ATG2B: variants seen among roughly 807,000 people sequenced by gnomAD.
The protein encoded by ATG2B is autophagy-related protein 2 homolog B.
Under a neutral mutation model 241.3 loss-of-function variants are expected in ATG2B, and 121 were observed. That is an observed-to-expected ratio of 0.50 (90% CI 0.43 to 0.58). ATG2B has a LOEUF of 0.58. ATG2B is among the 20% of genes least tolerant of loss of function. The pLI, the probability that ATG2B is intolerant of heterozygous loss-of-function variation, is 0.00. For synonymous variants in ATG2B, 858 were observed against 876.6 expected (o/e 0.98, Z 0.37); for missense variants, 2,306 against 2,491.6 (o/e 0.93, Z 1.59).
chr14:96,314,299 G>A (rs1338467994), intron 23 of ATG2B, among the ~76,000 whole-genome samples: 3 of 152,178 alleles, frequency 2.0e-5, no homozygotes, highest in African/African-American at 7.2e-5. Flanking sequence ...TAGTGCACTA[G>A]TTTTCATTCT....
At chr14:96,354,077 A>T (rs183742967) in intron 1 of ATG2B, among the ~76,000 whole-genome samples, 12 of 152,268 alleles carry the variant, frequency 7.9e-5, no homozygotes, top group East Asian at 7.7e-4. Context: ...GTAGTTTTTT[A>T]AAAAAAATTT....
Position 96,287,970 on chromosome 14 carries a change from G to A in ATG2B, c.6006+1686C>T, listed in dbSNP as rs571592915. Among the ~76,000 whole-genome samples the A allele has an allele frequency of 3.1e-4, 47 of 151,756 alleles. 1 individual carries two copies. The highest frequency in any genetic ancestry group is 2.4e-3 in the Admixed American group (36 of 15,236). ...ATTTTCTCTTCATCTTTGACTTACT[G>A]ACATCTAAAATGGAAAAGAAATACC... On this transcript the variant is annotated intron_variant, in intron 41 of 41. Transcript: ENST00000359933.
intron 2 of ATG2B, among the ~76,000 whole-genome samples, chr14:96,346,012 A>G (rs191102408): frequency 6.6e-6 from 1 of 152,318 alleles, no homozygotes; most frequent in East Asian, 1.9e-4. Context: ...GAAATAAGAT[A>G]CGATTAGTAG....
intron 35 of ATG2B, 151 bp from the exon 36 acceptor site, chr14:96,295,318 A>G (rs1487548859): frequency 1.1e-6 from 1 of 931,948 alleles, no homozygotes; most frequent in Non-Finnish European, 1.6e-6. Context: ...CTTTTAAATT[A>G]TTACTTTTAT....
At position 96,332,361 on chromosome 14, in the gene ATG2B, A is replaced by C; in HGVS notation, c.1412T>G (p.Val471Gly). 1 of 1,613,920 alleles carries C rather than the reference A, an allele frequency of 6.2e-7. No homozygotes were observed. The highest frequency in any genetic ancestry group is 8.5e-7 in the Non-Finnish European group (1 of 1,179,822). ...EFLDHHKEQP[V>G]RGSTFPSNLV... ...GTTGGATGGAAATGTTGACCCTCTT[A>C]CTGGCTGTTCTTTATGATGATCAAG... The change falls in exon 10 of 42, where the codon GTA (valine) becomes GGA (glycine). Residue 471 changes from valine to glycine, a missense_variant. By Grantham distance (109) the Val-to-Gly change is moderately radical (BLOSUM62 -3). Coordinates refer to ENST00000359933, the MANE Select transcript of ATG2B (RefSeq NM_018036.7).
chr14:96,306,951 T>C, intron 29 of ATG2B, 35 bp from the exon 30 acceptor site: 1 of 1,553,068 alleles, frequency 6.4e-7, no homozygotes, highest in African/African-American at 1.4e-5. Flanking sequence ...TGGCACACTT[T>C]GAAATATCAA....
At chr14:96,297,764 C>A (rs1426861660) in intron 34 of ATG2B, among the ~76,000 whole-genome samples, 1 of 151,990 alleles carries the variant, frequency 6.6e-6, no homozygotes, top group Non-Finnish European at 1.5e-5. Context: ...AAACTCTTTA[C>A]AAATCAGTAA....
chr14:96,331,606 T>G lies in ATG2B; in HGVS notation c.1500A>C (p.Glu500Asp). The change falls in exon 11 of 42, where the codon GAA becomes GAC. Residue 500 changes from glutamate (E) to aspartate (D), a missense_variant. Physicochemically the swap from Glu to Asp is conservative, Grantham distance 45. This residue lies in a region of ATG2B where 1,927 missense variants were observed against 2,011.2 expected (regional missense o/e 0.96). Transcript: ENST00000359933. ...GTCTAAAAATAAGTTCAGGCCTTGATTCATCCACTGAAACAGATCTAGATG... is the reference window on the plus strand; with the variant it reads ...GTCTAAAAATAAGTTCAGGCCTTGAGTCATCCACTGAAACAGATCTAGATG... ...SLPSRSVSVD[E>D]SRPELIFRLA... The G allele has an allele frequency of 6.2e-7, 1 of 1,613,362 alleles. No homozygotes were observed. The highest frequency in any genetic ancestry group is 8.5e-7 in the Non-Finnish European group (1 of 1,179,672).
chr14:96,328,536 CT>C lies in ATG2B; in HGVS notation c.1975-2del, dbSNP rs1182195036. 2.5e-6 allele frequency: 4 copies of C among 1,580,456 alleles called. No individual in the cohort carries two copies. The highest frequency in any genetic ancestry group is 1.2e-5 in the South Asian group (1 of 85,312). ...CTGAACTAAGTCTTGCTTGATTACC[CT>C]TTTAAAAAAAAAAAAGAAAAGGCAT... On this transcript the variant is annotated splice_acceptor_variant, in intron 13 of 41. Coordinates refer to ENST00000359933, the MANE Select transcript of ATG2B (RefSeq NM_018036.7). LOFTEE classifies it high-confidence loss of function.
At chr14:96,319,328 C>T (rs181151530) in intron 18 of ATG2B, among the ~76,000 whole-genome samples, 1 of 152,114 alleles carries the variant, frequency 6.6e-6, no homozygotes, top group African/African-American at 2.4e-5. Context: ...GAAAACAATG[C>T]TTAAGATACA....
At chr14:96,304,701 A>G in intron 31 of ATG2B, 98 bp from the exon 32 acceptor site, 1 of 954,280 alleles carries the variant, frequency 1.0e-6, no homozygotes, top group Non-Finnish European at 1.6e-6. Context: ...TGAAAGACAA[A>G]GTAAGAGTAC....
At chr14:96,310,892 A>C (rs1359025121) in intron 28 of ATG2B, among the ~76,000 whole-genome samples, 2 of 152,160 alleles carry the variant, frequency 1.3e-5, no homozygotes, top group African/African-American at 4.8e-5. Context: ...AAAAAGTATG[A>C]TGTTTGCTAG....
intron 18 of ATG2B, among the ~76,000 whole-genome samples, chr14:96,318,503 T>C (rs1014886021): frequency 6.6e-6 from 1 of 152,136 alleles, no homozygotes; most frequent in Non-Finnish European, 1.5e-5. Context: ...TTCAGTTCTT[T>C]CCCTAGAAAT....
intron 32 of ATG2B, 142 bp downstream of exon 32, chr14:96,304,353 T>A: frequency 1.9e-6 from 1 of 529,382 alleles, no homozygotes; most frequent in African/African-American, 1.9e-5. Context: ...GAAAAAGAGG[T>A]AAGAGTTTTA....
Position 96,334,515 on chromosome 14 carries a change from A to C in ATG2B, c.925-14T>G, listed in dbSNP as rs1887821459. 4 of 1,507,116 alleles carry C rather than the reference A, an allele frequency of 2.7e-6. No homozygotes were observed. The highest frequency in any genetic ancestry group is 3.6e-6 in the Non-Finnish European group (4 of 1,100,268). The allele number at this position is 1,507,116 out of a possible 1,614,324, so 93.4% of individuals were successfully genotyped here. ...ATCAACATCCAACTTAAGGGAAAAA[A>C]AAAAACTATTCATGAGGAGTATTCT... On this transcript the variant is annotated splice_polypyrimidine_tract_variant and intron_variant, in intron 6 of 41. Transcript: ENST00000359933.
rs751559469 is a variant in ATG2B at position 96,311,555 on chromosome 14, G to A, written c.3977C>T (p.Ser1326Phe). The change falls in exon 27 of 42, where the codon TCT becomes TTT. Residue 1326 changes from serine to phenylalanine, a missense_variant. Physicochemically the swap from Ser to Phe is radical, Grantham distance 155. Coordinates refer to ENST00000359933, the MANE Select transcript of ATG2B (RefSeq NM_018036.7). Reference sequence around the variant, plus strand: ...TTAATAACTCACTTGCTCTCCATCAGAATCAGACTTCACTGCAGTTATGGT... The same window carrying A: ...TTAATAACTCACTTGCTCTCCATCAAAATCAGACTTCACTGCAGTTATGGT... ...ELTITAVKSDSDGEQTEPRFE... is the reference protein window; with the variant it reads ...ELTITAVKSDFDGEQTEPRFE... 2 of 1,605,158 alleles carry A rather than the reference G, an allele frequency of 1.2e-6. No individual in the cohort carries two copies. The highest frequency in any genetic ancestry group is 1.7e-5 in the Admixed American group (1 of 59,854).
chr14:96,325,542 T>C (rs1887566441), intron 15 of ATG2B, 107 bp downstream of exon 15: 2 of 1,016,572 alleles, frequency 2.0e-6, no homozygotes, highest in Non-Finnish European at 2.9e-6. Flanking sequence ...ATAATGTTCT[T>C]TAATTGTACT....
At position 96,334,499 on chromosome 14, in the gene ATG2B, C is replaced by T; in HGVS notation, c.927G>A (p.Leu309=). Reference sequence around the variant, plus strand: ...TAGAGTCTATCTGTCCATCAACATCCAACTTAAGGGAAAAAAAAAAACTAT... The same window carrying T: ...TAGAGTCTATCTGTCCATCAACATCTAACTTAAGGGAAAAAAAAAAACTAT... ...KQNEVLPGAK[L]DVDGQIDSIH... Residue 309 remains leucine (L), a splice_region_variant and synonymous_variant, in exon 7 of 42, where the codon TTG becomes TTA. Transcript: ENST00000359933. 1 of 1,570,432 alleles carries T rather than the reference C, an allele frequency of 6.4e-7. No individual in the cohort carries two copies. The highest frequency in any genetic ancestry group is 1.2e-5 in the South Asian group (1 of 84,934).
At position 96,291,658 on chromosome 14, in the gene ATG2B, C is replaced by G; in HGVS notation, c.5521G>C (p.Gly1841Arg). ...DQGTLAGILIGLAQLNCSELK... is the reference protein window; with the variant it reads ...DQGTLAGILIRLAQLNCSELK... ...TCAGAGCAGTTTAACTGAGCCAGAC[C>G]AATCAAAATCCCAGCTAGCGTACCC... The change falls in exon 38 of 42, where the codon GGT (glycine) becomes CGT (arginine). Residue 1841 changes from glycine (G) to arginine (R), a missense_variant. Coordinates refer to ENST00000359933, the MANE Select transcript of ATG2B (RefSeq NM_018036.7). The G allele has an allele frequency of 6.2e-7, 1 of 1,607,556 alleles. No homozygotes were observed. Among genetic ancestry groups the G allele is most frequent in the Non-Finnish European group, 8.5e-7 (1 of 1,175,796 alleles).
Sources: gnomAD v4.1 joint callset for allele counts (sites outside exome capture counted in the v4.1 genomes callset) on GRCh38, gnomAD v4.1.1 for gene constraint, gnomAD v4.1.1 regional missense constraint, MANE v1.5 for transcripts, NCBI Gene and HGNC (gene_info 2026-07-23, HGNC 2026-07-21) for gene names.